Variants in STX8 observed in about 807,000 individuals in gnomAD.
STX8 encodes the protein syntaxin 8.
STX8 carries 23 observed loss-of-function variants against 37.5 expected under a neutral mutation model. The ratio of observed to expected loss-of-function variants is 0.61; its 90% confidence interval spans 0.44 to 0.87. The LOEUF (loss-of-function observed/expected upper bound fraction) is 0.87. Ranked by LOEUF, STX8 falls within the 40% of genes least tolerant of loss-of-function variation. The pLI is 0.00. For missense variants in STX8, 313 were observed against 284.7 expected (o/e 1.10, Z -0.71); for synonymous variants, 115 against 99.1 (o/e 1.16, Z -0.95).
rs181869754 is a variant in STX8, at chr17:9,449,377, G to A, written c.541+42452C>T. ...AGATCGAGACCACCCTGGCTTACACGGCGAAACCCCGTCTCCACTAAAAAT... is the reference window on the plus strand; with the variant it reads ...AGATCGAGACCACCCTGGCTTACACAGCGAAACCCCGTCTCCACTAAAAAT... On this transcript the variant is annotated intron_variant, in intron 6 of 7. Transcript: ENST00000306357. Among the ~76,000 whole-genome samples, 295 of 152,254 alleles carry A rather than the reference G, an allele frequency of 1.9e-3. 2 individuals are homozygous for A. Among genetic ancestry groups the A allele is most frequent in the Middle Eastern group, 6.8e-3 (2 of 294 alleles).
At chr17:9,326,977 G>A (rs1909775077) in intron 7 of STX8, among the ~76,000 whole-genome samples, 1 of 152,062 alleles carries the variant, frequency 6.6e-6, no homozygotes, top group Admixed American at 6.6e-5. Context: ...CTGACCAACA[G>A]AGAAACCTCA....
intron 7 of STX8, among the ~76,000 whole-genome samples, chr17:9,375,554 T>C (rs1005728569): frequency 2.6e-5 from 4 of 152,144 alleles, no homozygotes; most frequent in Admixed American, 2.6e-4. Context: ...ACAACATATA[T>C]AACATTGTAT....
chr17:9,457,363 T>C (rs953055970), intron 6 of STX8, among the ~76,000 whole-genome samples: 45 of 152,214 alleles, frequency 3.0e-4, no homozygotes, highest in African/African-American at 1.0e-3. Flanking sequence ...CCTTGGCTTG[T>C]GGCCCCTTCT....
intron 6 of STX8, among the ~76,000 whole-genome samples, chr17:9,409,788 G>T (rs889207559): frequency 6.7e-6 from 1 of 150,230 alleles, no homozygotes; most frequent in Admixed American, 7.0e-5. Context: ...TGGAAGCACT[G>T]GGGGGAAAAA....
intron 6 of STX8, among the ~76,000 whole-genome samples, chr17:9,463,030 A>G (rs1343571899): frequency 1.3e-5 from 2 of 152,220 alleles, no homozygotes; most frequent in South Asian, 2.1e-4. Flanking sequence ...GGTAAAAAGT[A>G]AAGCAAGAGC....
At chr17:9,273,828 G>A (rs1430350090) in intron 7 of STX8, among the ~76,000 whole-genome samples, 3 of 152,160 alleles carry the variant, frequency 2.0e-5, no homozygotes, top group Admixed American at 6.5e-5. Flanking sequence ...GGGAGTGGGC[G>A]TGTGTTTGCG....
At chr17:9,410,077 A>G (rs1037819465) in intron 6 of STX8, among the ~76,000 whole-genome samples, 5 of 152,240 alleles carry the variant, frequency 3.3e-5, no homozygotes, top group Non-Finnish European at 4.4e-5. Context: ...AAGAGAACAG[A>G]CAAATGCGAT....
At chr17:9,354,817 A>G (rs998341658) in intron 7 of STX8, among the ~76,000 whole-genome samples, 5 of 152,024 alleles carry the variant, frequency 3.3e-5, no homozygotes, top group Non-Finnish European at 5.9e-5. Context: ...CTAGCTCTCT[A>G]TTCTAGAACA....
intron 7 of STX8, among the ~76,000 whole-genome samples, chr17:9,321,302 G>C (rs1172468432): frequency 6.6e-6 from 1 of 151,968 alleles, no homozygotes; most frequent in Non-Finnish European, 1.5e-5. Context: ...GGCCAAGATG[G>C]GCAGATCACC....
chr17:9,446,367 T>C (rs1221032280), intron 6 of STX8, among the ~76,000 whole-genome samples: 1 of 152,216 alleles, frequency 6.6e-6, no homozygotes, highest in African/African-American at 2.4e-5. Flanking sequence ...ATGAGCATTT[T>C]CCCACAACTT....
At chr17:9,390,788 G>C (rs1232841814) in intron 6 of STX8, among the ~76,000 whole-genome samples, 1 of 139,214 alleles carries the variant, frequency 7.2e-6, no homozygotes. Flanking sequence ...AGTGAGCCGA[G>C]ATCGCGCCAT....
At chr17:9,250,736 G>C in intron 7 of STX8, 91 bp from the exon 8 acceptor site, 30 of 1,294,436 alleles carry the variant, frequency 2.3e-5, no homozygotes, top group Non-Finnish European at 2.9e-5. Context: ...TCAGAGGGAT[G>C]TAGTTCCCTC....
chr17:9,486,973 C>T (rs775489710), intron 6 of STX8, among the ~76,000 whole-genome samples: 30 of 152,196 alleles, frequency 2.0e-4, no homozygotes, highest in African/African-American at 6.5e-4. Context: ...CATGAGGGGA[C>T]GTCATCCACT....
At chr17:9,493,559 T>A (rs189781200) in intron 5 of STX8, among the ~76,000 whole-genome samples, 1 of 152,290 alleles carries the variant, frequency 6.6e-6, no homozygotes, top group East Asian at 1.9e-4. Context: ...AGGGCAGATC[T>A]CCAGGAGGTT....
At chr17:9,306,464 T>G (rs1326999593) in intron 7 of STX8, among the ~76,000 whole-genome samples, 1 of 151,710 alleles carries the variant, frequency 6.6e-6, no homozygotes, top group African/African-American at 2.4e-5. Context: ...AAAAACAAAT[T>G]AAGGGCCAGG....
At chr17:9,328,548 CCA>C (rs777324815) in intron 7 of STX8, among the ~76,000 whole-genome samples, 8 of 152,140 alleles carry the variant, frequency 5.3e-5, no homozygotes, top group Non-Finnish European at 1.2e-4. Context: ...CTACTGAAAA[CCA>C]CAGTGTGTGC....
chr17:9,384,091 C>CT (rs1242000813), intron 6 of STX8, among the ~76,000 whole-genome samples: 1 of 151,228 alleles, frequency 6.6e-6, no homozygotes, highest in Non-Finnish European at 1.5e-5. Flanking sequence ...AAAAGAGTTC[C>CT]TTTTTTTCTC....
chr17:9,407,820 T>C (rs1334680483), intron 6 of STX8, among the ~76,000 whole-genome samples: 2 of 152,188 alleles, frequency 1.3e-5, no homozygotes, highest in African/African-American at 4.8e-5. Context: ...GAGACCAAAG[T>C]TCTTCTGAAG....
intron 2 of STX8, 91 bp downstream of exon 2, chr17:9,568,280 T>C: frequency 1.1e-6 from 1 of 895,906 alleles, no homozygotes; most frequent in Admixed American, 2.2e-5. Flanking sequence ...CATACACACA[T>C]GTGCACAGAC....
Sources: allele counts gnomAD v4.1 joint callset (sites outside exome capture counted in the v4.1 genomes callset), GRCh38; gene constraint gnomAD v4.1.1; transcripts MANE v1.5; gene names NCBI Gene and HGNC (gene_info 2026-07-23, HGNC 2026-07-21).